CNTNAP2: variants seen among roughly 807,000 people sequenced by gnomAD.
The protein encoded by CNTNAP2 is contactin associated protein 2.
Under a neutral mutation model 155.2 loss-of-function variants are expected in CNTNAP2, and 98 were observed. The observed-to-expected ratio is 0.63, with a 90% CI of 0.54 to 0.75. CNTNAP2 has a LOEUF of 0.75. Among genes scored for constraint, CNTNAP2 ranks in the 30% least tolerant of loss-of-function variants. CNTNAP2 has a pLI of 0.00. For missense variants in CNTNAP2, 1,727 were observed against 1,688.1 expected, an observed-to-expected ratio of 1.02 and a Z score of -0.40; for synonymous variants, 651 against 631.2, an observed-to-expected ratio of 1.03 and a Z score of -0.47.
intron 21 of CNTNAP2, among the ~76,000 whole-genome samples, chr7:148,349,146 C>A (rs1204261094): frequency 6.6e-6 from 1 of 151,860 alleles, no homozygotes; most frequent in Non-Finnish European, 1.5e-5. Flanking sequence ...ACAAATACAT[C>A]AATAATTTAA....
At chr7:147,451,765 C>CAA (rs113417672) in intron 10 of CNTNAP2, among the ~76,000 whole-genome samples, 189 of 108,290 alleles carry the variant, frequency 1.7e-3, no homozygotes, top group African/African-American at 4.6e-3. Flanking sequence ...TTGTTTCTTC[C>CAA]AAAAAAAAAA....
intron 9 of CNTNAP2, among the ~76,000 whole-genome samples, chr7:147,319,295 CT>C: frequency 6.6e-6 from 1 of 152,162 alleles, no homozygotes; most frequent in African/African-American, 2.4e-5. Flanking sequence ...AAGTTAATCT[CT>C]TGTGTTATGT....
intron 1 of CNTNAP2, among the ~76,000 whole-genome samples, chr7:146,714,041 T>G (rs1185152365): frequency 1.3e-5 from 2 of 152,152 alleles, no homozygotes; most frequent in African/African-American, 4.8e-5. Flanking sequence ...ATTATTCTTA[T>G]TATTCTTTTA....
At chr7:147,832,137 AT>A (rs954647567) in intron 13 of CNTNAP2, among the ~76,000 whole-genome samples, 9 of 147,380 alleles carry the variant, frequency 6.1e-5, no homozygotes, top group Non-Finnish European at 7.5e-5. Context: ...ATATTTTTAT[AT>A]TTTTAAATAA....
At chr7:147,553,965 G>C (rs1288495864) in intron 11 of CNTNAP2, among the ~76,000 whole-genome samples, 1 of 151,618 alleles carries the variant, frequency 6.6e-6, no homozygotes, top group Non-Finnish European at 1.5e-5. Flanking sequence ...TATCTCAAAA[G>C]AAAAGAAAAA....
At chr7:147,760,695 A>G (rs951488161) in intron 13 of CNTNAP2, among the ~76,000 whole-genome samples, 2 of 152,182 alleles carry the variant, frequency 1.3e-5, no homozygotes, top group Non-Finnish European at 2.9e-5. Context: ...TCTTGGTTGA[A>G]GTCAAACCAG....
intron 1 of CNTNAP2, among the ~76,000 whole-genome samples, chr7:146,378,663 T>G (rs1473200679): frequency 6.6e-6 from 1 of 152,172 alleles, no homozygotes; most frequent in Non-Finnish European, 1.5e-5. Flanking sequence ...GTCCATACCC[T>G]TAGCCATTGA....
chr7:147,260,359 C>T (rs1011914538), intron 8 of CNTNAP2, among the ~76,000 whole-genome samples: 1 of 152,010 alleles, frequency 6.6e-6, no homozygotes, highest in Admixed American at 6.5e-5. Flanking sequence ...TGTAAAAGTC[C>T]ATAATATAAA....
intron 1 of CNTNAP2, among the ~76,000 whole-genome samples, chr7:146,671,918 C>A (rs12534215): frequency 1.3e-4 from 20 of 151,874 alleles, no homozygotes; most frequent in Non-Finnish European, 2.8e-4. Context: ...TGGGTTCAAG[C>A]GATTCTCCTG....
chr7:146,622,271 CTATCTATCTATA>C (rs879715347), intron 1 of CNTNAP2, among the ~76,000 whole-genome samples: 1,729 of 77,946 alleles, frequency 0.022, 16 homozygotes, highest in African/African-American at 0.041. Flanking sequence ...ATCTATCTAT[CTATCTATCTATA>C]TATATATATG....
intron 15 of CNTNAP2, among the ~76,000 whole-genome samples, chr7:148,112,666 A>G (rs1804378171): frequency 6.6e-6 from 1 of 152,098 alleles, no homozygotes; most frequent in Admixed American, 6.6e-5. Flanking sequence ...AGTCACTGCA[A>G]TTACAGGTGT....
chr7:147,564,072 T>C (rs1800118605), intron 12 of CNTNAP2, among the ~76,000 whole-genome samples: 1 of 152,106 alleles, frequency 6.6e-6, no homozygotes, highest in African/African-American at 2.4e-5. Flanking sequence ...GGGTGGCTCA[T>C]GTGGAAGGAT....
At chr7:148,042,092 G>A (rs899089109) in intron 15 of CNTNAP2, among the ~76,000 whole-genome samples, 4 of 152,046 alleles carry the variant, frequency 2.6e-5, no homozygotes, top group African/African-American at 9.7e-5. Flanking sequence ...CTACTCTTTC[G>A]CCTGATTTAT....
At chr7:146,235,853 A>C (rs1307739016) in intron 1 of CNTNAP2, among the ~76,000 whole-genome samples, 1 of 152,142 alleles carries the variant, frequency 6.6e-6, no homozygotes, top group Non-Finnish European at 1.5e-5. Flanking sequence ...TATAAAAACC[A>C]AATTAGCAAA....
chr7:146,942,364 G>T (rs575779366), intron 3 of CNTNAP2, among the ~76,000 whole-genome samples: 1 of 151,990 alleles, frequency 6.6e-6, no homozygotes, highest in Non-Finnish European at 1.5e-5. Context: ...ATGTGAAGGC[G>T]CTCATCAAAT....
At chr7:146,919,410 G>A (rs1398438461) in intron 3 of CNTNAP2, among the ~76,000 whole-genome samples, 1 of 152,146 alleles carries the variant, frequency 6.6e-6, no homozygotes, top group African/African-American at 2.4e-5. Context: ...CTTCCCCTTA[G>A]GGATGGGGCT....
At chr7:147,562,875 C>CA (rs1186796964) in intron 12 of CNTNAP2, among the ~76,000 whole-genome samples, 1 of 152,036 alleles carries the variant, frequency 6.6e-6, no homozygotes, top group African/African-American at 2.4e-5. Flanking sequence ...GATTTTCCAT[C>CA]AGACACTTGG....
chr7:148,230,553 T>C (rs1795943363), intron 20 of CNTNAP2, among the ~76,000 whole-genome samples: 1 of 152,136 alleles, frequency 6.6e-6, no homozygotes, highest in South Asian at 2.1e-4. Context: ...AAGTGGAGTG[T>C]CATTTGGCAG....
At chr7:147,476,338 C>T (rs551827786) in intron 10 of CNTNAP2, among the ~76,000 whole-genome samples, 4 of 151,982 alleles carry the variant, frequency 2.6e-5, no homozygotes, top group African/African-American at 9.7e-5. Flanking sequence ...ATCTGCTGAC[C>T]TCATGATCCG....
Sources: allele counts gnomAD v4.1 joint callset (sites outside exome capture counted in the v4.1 genomes callset), GRCh38; gene constraint gnomAD v4.1.1; transcripts MANE v1.5; gene names NCBI Gene and HGNC (gene_info 2026-07-23, HGNC 2026-07-21).